Variants in GPR158 observed in about 807,000 individuals in gnomAD.
GPR158 encodes the protein metabotropic glycine receptor.
In GPR158, 30 loss-of-function variants were observed where a neutral mutation model predicts 78.2. The ratio of observed to expected loss-of-function variants is 0.38; its 90% CI spans 0.29 to 0.52. The LOEUF is 0.52. GPR158 is among the 20% of genes least tolerant of loss of function. The probability of loss-of-function intolerance (pLI) is 0.83; values close to 1 mark genes in which losing one functional copy is unlikely to be tolerated. For missense variants in GPR158, 1,463 were observed against 1,523.5 expected, an observed-to-expected ratio of 0.96 and a Z score of 0.66; for synonymous variants, 581 against 591.1, an observed-to-expected ratio of 0.98 and a Z score of 0.25.
chr10:25,558,424 G>A (rs1469692026), intron 6 of GPR158, among the ~76,000 whole-genome samples: 2 of 152,178 alleles, frequency 1.3e-5, no homozygotes, highest in Non-Finnish European at 2.9e-5. Context: ...GAATGAGTGT[G>A]AAATGAGATT....
intron 5 of GPR158, among the ~76,000 whole-genome samples, chr10:25,480,622 A>G: frequency 6.6e-6 from 1 of 152,208 alleles, no homozygotes; most frequent in East Asian, 1.9e-4. Context: ...TTCATTTGCC[A>G]TAGTGTTTTC....
intron 2 of GPR158, among the ~76,000 whole-genome samples, chr10:25,230,592 ATAACTGTC>A (rs1853434752): frequency 6.6e-6 from 1 of 152,212 alleles, no homozygotes; most frequent in African/African-American, 2.4e-5. Flanking sequence ...GGGTGATGTG[ATAACTGTC>A]TTCAAATATC....
At chr10:25,542,051 A>T (rs540925018) in intron 5 of GPR158, among the ~76,000 whole-genome samples, 1 of 151,148 alleles carries the variant, frequency 6.6e-6, no homozygotes, top group Non-Finnish European at 1.5e-5. Flanking sequence ...TTATCAAAGG[A>T]CAACTTCATC....
Position 25,598,966 on chromosome 10 carries a change from G to A in GPR158, c.3340G>A (p.Ala1114Thr). ...GGQPRAANVC[A>T]GQSEELPPKA... Reference sequence around the variant, plus strand: ...TCAGCCTCGTGCAGCCAATGTGTGTGCTGGGCAGAGCGAAGAACTGCCCCC... The same window carrying A: ...TCAGCCTCGTGCAGCCAATGTGTGTACTGGGCAGAGCGAAGAACTGCCCCC... Residue 1114 changes from alanine to threonine, a missense_variant, in exon 11 of 11, where the codon GCT becomes ACT. Coordinates refer to ENST00000376351, the MANE Select transcript of GPR158 (RefSeq NM_020752.3). 1 of 1,613,746 alleles carries A rather than the reference G, an allele frequency of 6.2e-7. No individual in the cohort carries two copies. The highest frequency in any genetic ancestry group is 8.5e-7 in the Non-Finnish European group (1 of 1,179,896).
intron 2 of GPR158, among the ~76,000 whole-genome samples, chr10:25,305,719 T>G (rs926375242): frequency 1.3e-5 from 2 of 152,092 alleles, no homozygotes; most frequent in African/African-American, 4.8e-5. Context: ...TCCACGAGAT[T>G]AAGAGGCAGA....
chr10:25,456,930 C>T (rs1835298871), intron 4 of GPR158, among the ~76,000 whole-genome samples: 1 of 151,678 alleles, frequency 6.6e-6, no homozygotes, highest in South Asian at 2.1e-4. Context: ...CATGGGGGGT[C>T]TTTGTTCCTT....
chr10:25,565,721 C>T (rs1391307556), intron 6 of GPR158, among the ~76,000 whole-genome samples: 4 of 152,182 alleles, frequency 2.6e-5, no homozygotes, highest in Non-Finnish European at 5.9e-5. Flanking sequence ...TAGAACAGAT[C>T]ATGCCGAGAG....
intron 3 of GPR158, among the ~76,000 whole-genome samples, chr10:25,411,529 C>T (rs1834584135): frequency 6.6e-6 from 1 of 152,144 alleles, no homozygotes; most frequent in Non-Finnish European, 1.5e-5. Context: ...CATGTATTTA[C>T]TCGGCACATA....
chr10:25,400,022 A>C (rs1834419093), intron 3 of GPR158, among the ~76,000 whole-genome samples: 4 of 152,228 alleles, frequency 2.6e-5, no homozygotes, highest in Admixed American at 2.6e-4. Flanking sequence ...GTCAATACAC[A>C]GTTAAATAAT....
chr10:25,286,821 G>T (rs1588775825), intron 2 of GPR158, among the ~76,000 whole-genome samples: 1 of 152,060 alleles, frequency 6.6e-6, no homozygotes, highest in East Asian at 1.9e-4. Context: ...TGTACCACCA[G>T]CTTGCCATTT....
chr10:25,428,540 T>G (rs920300194), intron 4 of GPR158, among the ~76,000 whole-genome samples: 18 of 152,048 alleles, frequency 1.2e-4, no homozygotes, highest in African/African-American at 3.6e-4. Flanking sequence ...AAAGTCAAGC[T>G]TGATTAATGT....
chr10:25,560,373 C>G (rs934481621), intron 6 of GPR158, among the ~76,000 whole-genome samples: 1 of 151,780 alleles, frequency 6.6e-6, no homozygotes, highest in East Asian at 1.9e-4. Flanking sequence ...TCACACCATT[C>G]TCCTGCCTCA....
At chr10:25,265,241 G>T (rs1372538576) in intron 2 of GPR158, among the ~76,000 whole-genome samples, 1 of 152,164 alleles carries the variant, frequency 6.6e-6, no homozygotes, top group Non-Finnish European at 1.5e-5. Flanking sequence ...CAGACAACGG[G>T]CTGTGAACAG....
At chr10:25,584,700 G>A (rs1015985737) in intron 7 of GPR158, among the ~76,000 whole-genome samples, 1 of 152,134 alleles carries the variant, frequency 6.6e-6, no homozygotes, top group African/African-American at 2.4e-5. Flanking sequence ...TTTGTGCCAG[G>A]CACAGTACCA....
chr10:25,540,184 A>G (rs1220203732), intron 5 of GPR158, among the ~76,000 whole-genome samples: 2 of 152,060 alleles, frequency 1.3e-5, no homozygotes, highest in Admixed American at 1.3e-4. Context: ...CAAAAGACAC[A>G]TGAAAAAATG....
intron 7 of GPR158, among the ~76,000 whole-genome samples, chr10:25,582,396 C>CAG (rs1837214708): frequency 6.6e-6 from 1 of 152,136 alleles, no homozygotes; most frequent in African/African-American, 2.4e-5. Flanking sequence ...ATGTATATGC[C>CAG]AGAGAGAGAA....
chr10:25,527,946 A>G (rs896940938), intron 5 of GPR158, among the ~76,000 whole-genome samples: 3 of 152,256 alleles, frequency 2.0e-5, no homozygotes, highest in Admixed American at 1.3e-4. Context: ...CTTGGATGAA[A>G]TGGACAATCT....
intron 6 of GPR158, among the ~76,000 whole-genome samples, chr10:25,562,668 T>C (rs1836874393): frequency 6.6e-6 from 1 of 152,220 alleles, no homozygotes; most frequent in Admixed American, 6.5e-5. Flanking sequence ...CTGAAATTTA[T>C]TGAGACTGGT....
intron 5 of GPR158, among the ~76,000 whole-genome samples, chr10:25,513,780 T>A (rs955169107): frequency 6.6e-6 from 1 of 152,146 alleles, no homozygotes; most frequent in African/African-American, 2.4e-5. Flanking sequence ...TTTGACCCAA[T>A]GATCATTCAG....
Sources: gnomAD v4.1 joint callset for allele counts (sites outside exome capture counted in the v4.1 genomes callset) on GRCh38, gnomAD v4.1.1 for gene constraint, MANE v1.5 for transcripts, NCBI Gene and HGNC (gene_info 2026-07-23, HGNC 2026-07-21) for gene names.